The following ALX3 variants were observed in gnomAD, a reference collection of about 807,000 sequenced individuals.
ALX3 encodes the protein homeobox protein aristaless-like 3.
A neutral mutation model predicts 26.3 loss-of-function variants in ALX3; 17 were observed. The ratio of observed to expected loss-of-function variants is 0.65; its 90% CI spans 0.44 to 0.97. The LOEUF (loss-of-function observed/expected upper bound fraction) is 0.97. Ranked by LOEUF, ALX3 falls within the 50% of genes least tolerant of loss-of-function variation. The pLI is 0.00. For synonymous variants in ALX3, 208 were observed against 201.4 expected (o/e 1.03, Z -0.28); for missense variants, 461 against 466.5 (o/e 0.99, Z 0.11).
In ALX3 at chr1:110,060,537, G is replaced by A. The variant is rs552988018; in HGVS notation, c.*196C>T. ...TGGTAGGAAGAGTCCTGGCTGCTTC[G>A]AAGCCCCTTCTCCTAGGCAGCCCCA... On this transcript the variant is annotated 3_prime_UTR_variant, in exon 4 of 4. Coordinates refer to ENST00000647563, the MANE Select transcript of ALX3 (RefSeq NM_006492.3). 1.0e-4 allele frequency: 49 copies of A among 490,420 alleles called. No homozygotes were observed. The highest frequency in any genetic ancestry group is 8.6e-4 in the African/African-American group (44 of 51,296). The allele number at this position is 490,420 out of a possible 1,614,324, so 30.4% of individuals were successfully genotyped here. A position where few individuals can be genotyped will look rare whatever the true frequency, so the allele number is the denominator to read the frequency against.
chr1:110,065,802 C>T (rs1265271825), intron 1 of ALX3, among the ~76,000 whole-genome samples: 1 of 152,244 alleles, frequency 6.6e-6, no homozygotes, highest in Non-Finnish European at 1.5e-5. Context: ...CTCTGACATG[C>T]TAACCCCTAC....
In ALX3 at chr1:110,063,810, C is replaced by T. The variant is rs562728571; in HGVS notation, c.594+777G>A. ...CAGACTCTTACTGAAACTCCTTCCC[C>T]ATCCCCAGCCTGCTTGCCACCTTCA... On this transcript the variant is annotated intron_variant, in intron 2 of 3. Transcript: ENST00000647563. 2.0e-5 allele frequency among the ~76,000 whole-genome samples: 3 copies of T among 152,040 alleles called. No homozygotes were observed. The East Asian group carries it at 5.9e-4, about 30-fold the overall frequency.
chr1:110,069,306 C>T (rs1048388613), intron 1 of ALX3, among the ~76,000 whole-genome samples: 4 of 152,270 alleles, frequency 2.6e-5, no homozygotes, highest in Non-Finnish European at 2.9e-5. Context: ...TCCGTGGAGG[C>T]CCGCGAGGCG....
rs549624008 is a variant in ALX3, at chr1:110,064,504, A to G, written c.594+83T>C. 6.1e-5 allele frequency: 93 copies of G among 1,533,266 alleles called. No homozygotes were observed. In the African/African-American group the frequency reaches 9.7e-4, roughly 16 times the overall value. The allele number at this position is 1,533,266 out of a possible 1,614,324, so 95.0% of individuals were successfully genotyped here. ...GTAGCTCTGGGAGGCACCAGTGCCC[A>G]CCTCTCCCAGCCCTTCCAGATCACT... is the stretch of plus-strand genomic sequence containing the variant. On this transcript the variant is annotated intron_variant, in intron 2 of 3. Coordinates refer to ENST00000647563, the MANE Select transcript of ALX3 (RefSeq NM_006492.3).
rs1570935478 is a variant in ALX3, at chr1:110,060,448, T to C, written c.*285A>G. ...GATGACAATGGACTTGGACAAAGTC[T>C]GGAGGAAGCAGGGCAGTGTCTCCCT... On this transcript the variant is annotated 3_prime_UTR_variant, in exon 4 of 4. Coordinates refer to ENST00000647563, the MANE Select transcript of ALX3 (RefSeq NM_006492.3). 3.7e-6 allele frequency: 1 copy of C among 270,016 alleles called. No individual in the cohort carries two copies. The highest frequency in any genetic ancestry group is 4.9e-5 in the Admixed American group (1 of 20,436). 16.7% of individuals were successfully genotyped at this position (270,016 alleles called of 1,614,324 possible).
At chr1:110,062,646 G>GTGTGCGCGCGCGCGCGCGCGCGCGC in intron 2 of ALX3, 1 of 126,236 alleles carries the variant, frequency 7.9e-6, no homozygotes, top group African/African-American at 2.8e-5. Flanking sequence ...TGTGTGTGTG[G>GTGTGCGCGCGCGCGCGCGCGCGCGC]AGTAATCCGT....
rs1653900540 is a variant in ALX3, at chr1:110,070,654, C to A, written c.-42G>T. On this transcript the variant is annotated 5_prime_UTR_variant, in exon 1 of 4. Transcript: ENST00000647563. Reference sequence around the variant, plus strand: ...CAGGCCTCCGGGGCTCCGGGGCTCGCGCTGCCCGCGCCGCCTGTGAGCGCC... The same window carrying A: ...CAGGCCTCCGGGGCTCCGGGGCTCGAGCTGCCCGCGCCGCCTGTGAGCGCC... The A allele has an allele frequency of 8.4e-7, 1 of 1,189,404 alleles. No individual in the cohort carries two copies. Among genetic ancestry groups the A allele is most frequent in the Non-Finnish European group, 1.0e-6 (1 of 962,828 alleles). The allele number at this position is 1,189,404 out of a possible 1,614,324, so 73.7% of individuals were successfully genotyped here. A position where few individuals can be genotyped will look rare whatever the true frequency, so the allele number is the denominator to read the frequency against.
Position 110,060,815 on chromosome 1 carries a change from T to C in ALX3, c.950A>G (p.Asp317Gly). 6.2e-7 allele frequency: 1 copy of C among 1,614,046 alleles called. No homozygotes were observed. Among genetic ancestry groups the C allele is most frequent in the East Asian group, 2.2e-5 (1 of 44,862 alleles). ...GAGGCTTGGAGACTTATAGTCACCATCTGAGGAAGGCTCAAAGCTGTGGCC... is the reference window on the plus strand; with the variant it reads ...GAGGCTTGGAGACTTATAGTCACCACCTGAGGAAGGCTCAAAGCTGTGGCC... ...LGGHSFEPSS[D>G]GDYKSPSLVS... Residue 317 changes from aspartate to glycine, a missense_variant, in exon 4 of 4, where the codon GAT (aspartate) becomes GGT (glycine). Physicochemically the swap from Asp to Gly is moderately conservative, Grantham distance 94. Coordinates refer to ENST00000647563, the MANE Select transcript of ALX3 (RefSeq NM_006492.3).
intron 1 of ALX3, among the ~76,000 whole-genome samples, chr1:110,068,675 CCTG>C (rs1557804281): frequency 6.6e-6 from 1 of 152,198 alleles, no homozygotes; most frequent in Non-Finnish European, 1.5e-5. Flanking sequence ...CGATCTTGCT[CCTG>C]CTTTTTTTAT....
rs1570940895 is a variant in ALX3 at position 110,070,318 on chromosome 1, C to T, written c.277+18G>A. ...AGAGAGGGTCGGGCTGCGCGCTACGCCCCGCGCCGCGCGTTACCTTCCGCG... is the reference window on the plus strand; with the variant it reads ...AGAGAGGGTCGGGCTGCGCGCTACGTCCCGCGCCGCGCGTTACCTTCCGCG... On this transcript the variant is annotated intron_variant, in intron 1 of 3. Transcript: ENST00000647563. 7.0e-6 allele frequency: 9 copies of T among 1,292,458 alleles called. No individual in the cohort carries two copies. Among genetic ancestry groups the T allele is most frequent in the Middle Eastern group, 3.0e-4 (1 of 3,288 alleles). 80.1% of individuals were successfully genotyped at this position (1,292,458 alleles called of 1,614,324 possible).
chr1:110,061,762 G>C (rs1653653640), intron 2 of ALX3, 199 bp from the exon 3 acceptor site: 7 of 802,728 alleles, frequency 8.7e-6, no homozygotes, highest in Non-Finnish European at 1.3e-5. Context: ...AGCCCACAGT[G>C]GGTAATTGGC....
intron 1 of ALX3, among the ~76,000 whole-genome samples, chr1:110,065,480 G>T (rs1319563851): frequency 2.6e-5 from 4 of 152,154 alleles, no homozygotes; most frequent in Non-Finnish European, 1.5e-5. Context: ...AAATTCCCCA[G>T]CTCTGGTGTA....
Position 110,064,676 on chromosome 1 carries a change from C to T in ALX3, c.505G>A (p.Glu169Lys). The T allele has an allele frequency of 6.2e-7, 1 of 1,614,234 alleles. No individual in the cohort carries two copies. Among genetic ancestry groups the T allele is most frequent in the Non-Finnish European group, 8.5e-7 (1 of 1,180,046 alleles). ...TAGTGGGTTTTCTGGAAGACCTTCT[C>T]CAGCTCCTCCAGCTGGAATGTGCTG... Reference protein sequence around the residue: ...TFSTFQLEELEKVFQKTHYPD... With the variant: ...TFSTFQLEELKKVFQKTHYPD... Residue 169 changes from glutamate to lysine, a missense_variant, in exon 2 of 4, where the codon GAG becomes AAG. Glu to Lys is a moderately conservative substitution (Grantham distance 56). This residue lies in a region of ALX3 where 51 missense variants were observed against 82.4 expected (regional missense o/e 0.62). Coordinates refer to ENST00000647563, the MANE Select transcript of ALX3 (RefSeq NM_006492.3).
Position 110,070,411 on chromosome 1 carries a change from G to C in ALX3, c.202C>G (p.Pro68Ala), listed in dbSNP as rs12756321. Residue 68 changes from proline to alanine, a missense_variant, in exon 1 of 4, where the codon CCC (proline) becomes GCC (alanine). By Grantham distance (27) the Pro-to-Ala change is conservative. Coordinates refer to ENST00000647563, the MANE Select transcript of ALX3 (RefSeq NM_006492.3). ...CCGAGGTCCTGCAGGTACTTGGCGG[G>C]CGGCTTGGCCGGCTCTGGGAGGTAG... ...EPYLPEPAKP[P>A]AKYLQDLGPG... 3.9e-6 allele frequency: 5 copies of C among 1,277,420 alleles called. No homozygotes were observed. Among genetic ancestry groups the C allele is most frequent in the Non-Finnish European group, 3.9e-6 (4 of 1,013,304 alleles). The allele number at this position is 1,277,420 out of a possible 1,614,324, so 79.1% of individuals were successfully genotyped here. A position where few individuals can be genotyped will look rare whatever the true frequency, so the allele number is the denominator to read the frequency against.
intron 2 of ALX3, chr1:110,062,033 G>A (rs904340365): frequency 5.9e-6 from 1 of 170,610 alleles, no homozygotes; most frequent in Non-Finnish European, 1.3e-5. Flanking sequence ...ACTCCCTGGA[G>A]ACCTTGGTCC....
At chr1:110,064,957 G>C in intron 1 of ALX3, 54 bp from the exon 2 acceptor site, 1 of 1,507,902 alleles carries the variant, frequency 6.6e-7, no homozygotes, top group Non-Finnish European at 8.9e-7. Flanking sequence ...GGCTTTTGTG[G>C]GTTGGAATGG....
At chr1:110,069,779 C>T (rs1653874870) in intron 1 of ALX3, among the ~76,000 whole-genome samples, 1 of 152,172 alleles carries the variant, frequency 6.6e-6, no homozygotes, top group Non-Finnish European at 1.5e-5. Context: ...GTCTGCCGCA[C>T]AGGCAGCACC....
In ALX3 at chr1:110,070,597, A is replaced by G; in HGVS notation, c.16T>C (p.Cys6Arg). 1 of 1,285,480 alleles carries G rather than the reference A, an allele frequency of 7.8e-7. No individual in the cohort carries two copies. The highest frequency in any genetic ancestry group is 9.9e-7 in the Non-Finnish European group (1 of 1,015,054). The allele number at this position is 1,285,480 out of a possible 1,614,324, so 79.6% of individuals were successfully genotyped here. ...GCAGGCCCCACGCGGAAAGGCGCGCAGTGCTCGGGGTCCATGCCGGCTCAG... is the reference window on the plus strand; with the variant it reads ...GCAGGCCCCACGCGGAAAGGCGCGCGGTGCTCGGGGTCCATGCCGGCTCAG... MDPEH[C>R]APFRVGPAPG... Residue 6 changes from cysteine to arginine, a missense_variant, in exon 1 of 4, where the codon TGC becomes CGC. Around this residue, in one of 3 missense-constraint regions of ALX3, gnomAD observed 241 missense variants for 206.1 expected, o/e 1.17. Coordinates refer to ENST00000647563, the MANE Select transcript of ALX3 (RefSeq NM_006492.3).
rs947801069 is a variant in ALX3 at position 110,060,714 on chromosome 1, T to G, written c.*19A>C. 1 of 1,328,650 alleles carries G rather than the reference T, an allele frequency of 7.5e-7. No homozygotes were observed. The highest frequency in any genetic ancestry group is 9.7e-7 in the Non-Finnish European group (1 of 1,035,686). 82.3% of individuals were successfully genotyped at this position (1,328,650 alleles called of 1,614,324 possible). The stretch of plus-strand genomic sequence containing the variant: ...GGAAAAAGAGGTGGGCAGCTCATTC[T>G]GCAGGTCCATGCAACCGATCACGTG... On this transcript the variant is annotated 3_prime_UTR_variant, in exon 4 of 4. Transcript: ENST00000647563.
Sources: gnomAD v4.1 joint callset for allele counts (sites outside exome capture counted in the v4.1 genomes callset) on GRCh38, gnomAD v4.1.1 for gene constraint, gnomAD v4.1.1 regional missense constraint, MANE v1.5 for transcripts, NCBI Gene and HGNC (gene_info 2026-07-23, HGNC 2026-07-21) for gene names.